Variants in STMND1 observed in about 807,000 individuals in gnomAD.
STMND1 encodes stathmin domain containing 1.
STMND1 carries 17 observed loss-of-function variants against 23.0 expected under a neutral mutation model. The observed-to-expected ratio is 0.74, with a 90% CI of 0.51 to 1.11. The LOEUF is 1.11. Ranked by LOEUF, STMND1 falls within the 50% of genes least tolerant of loss-of-function variation. The pLI is 0.00. For missense variants in STMND1, 305 were observed against 329.1 expected, an observed-to-expected ratio of 0.93 and a Z score of 0.57; for synonymous variants, 114 against 119.9, an observed-to-expected ratio of 0.95 and a Z score of 0.32.
chr6:17,107,040 A>G (rs1761034368), intron 1 of STMND1, among the ~76,000 whole-genome samples: 1 of 152,242 alleles, frequency 6.6e-6, no homozygotes, highest in East Asian at 1.9e-4. Flanking sequence ...ACCTGATAAG[A>G]AAATTCTAGT....
rs1286596757 is a variant in STMND1 at position 17,129,261 on chromosome 6, G to A, written c.543+18G>A. The stretch of plus-strand genomic sequence containing the variant: ...GCAGGAAGGTAGTGAGCTCTCAGAT[G>A]CTCTAGGCTTGAGGAGTTCGCTGTC... On this transcript the variant is annotated intron_variant, in intron 4 of 4. Transcript: ENST00000536551. The A allele has an allele frequency of 6.5e-7, 1 of 1,535,154 alleles. No homozygotes were observed. The highest frequency in any genetic ancestry group is 1.2e-5 in the South Asian group (1 of 83,906).
chr6:17,116,031 A>G (rs1406160011), intron 2 of STMND1, among the ~76,000 whole-genome samples: 4 of 152,210 alleles, frequency 2.6e-5, no homozygotes, highest in Admixed American at 2.6e-4. Context: ...TTAGGTTGAC[A>G]AATACATTTT....
In STMND1 at chr6:17,102,198, G is replaced by A. The variant is rs9367941; in HGVS notation, c.-60G>A. 0.19 allele frequency: 272,850 copies of A among 1,467,324 alleles called. 30,628 individuals carry two copies. Among genetic ancestry groups the A allele is most frequent in the African/African-American group, 0.49 (33,339 of 68,084 alleles). 90.9% of individuals were successfully genotyped at this position (1,467,324 alleles called of 1,614,324 possible). A position where few individuals can be genotyped will look rare whatever the true frequency, so the allele number is the denominator to read the frequency against. On this transcript the variant is annotated 5_prime_UTR_variant, in exon 1 of 5. Transcript: ENST00000536551. ...GACCACCGGCGCCGGAGCGCGGCAGGGAGCGCTCGCGGGGGCGCACAGCAG... is the reference window on the plus strand; with the variant it reads ...GACCACCGGCGCCGGAGCGCGGCAGAGAGCGCTCGCGGGGGCGCACAGCAG...
intron 2 of STMND1, among the ~76,000 whole-genome samples, chr6:17,119,116 G>C (rs187647412): frequency 1.8e-4 from 27 of 152,106 alleles, no homozygotes; most frequent in Non-Finnish European, 3.4e-4. Context: ...TGACCTCCCC[G>C]TATGACATGT....
At chr6:17,103,380 G>A (rs891686657) in intron 1 of STMND1, among the ~76,000 whole-genome samples, 6 of 152,194 alleles carry the variant, frequency 3.9e-5, no homozygotes, top group African/African-American at 1.4e-4. Flanking sequence ...TACTTCATGT[G>A]GGGCACATCT....
chr6:17,111,024 A>G (rs1380138166), intron 1 of STMND1: 2 of 310,852 alleles, frequency 6.4e-6, no homozygotes, highest in African/African-American at 4.4e-5. Flanking sequence ...TGAACACATT[A>G]GCATTTAAAA....
intron 1 of STMND1, chr6:17,110,464 G>A (rs1761081731): frequency 6.0e-6 from 1 of 165,518 alleles, no homozygotes; most frequent in Admixed American, 6.0e-5. Context: ...GGGCCAAAAA[G>A]TCAAATCAAT....
intron 1 of STMND1, among the ~76,000 whole-genome samples, chr6:17,112,733 C>T (rs189641461): frequency 9.2e-5 from 14 of 152,082 alleles, no homozygotes; most frequent in Middle Eastern, 3.4e-3. Context: ...GCCGAGATTG[C>T]GCCACTGTAC....
At position 17,114,947 on chromosome 6, in the gene STMND1, G is replaced by C. The variant is rs765477291; in HGVS notation, c.82-15G>C. On this transcript the variant is annotated splice_polypyrimidine_tract_variant and intron_variant, in intron 1 of 4. Transcript: ENST00000536551. Reference sequence around the variant, plus strand: ...AAGAAATCTTGACTCTAACAAAACTGTTCCCTTTTCACAGGCTGATGTCAG... The same window carrying C: ...AAGAAATCTTGACTCTAACAAAACTCTTCCCTTTTCACAGGCTGATGTCAG... 2 of 1,500,960 alleles carry C rather than the reference G, an allele frequency of 1.3e-6. No homozygotes were observed. Among genetic ancestry groups the C allele is most frequent in the Admixed American group, 4.7e-5 (2 of 42,584 alleles). 93.0% of individuals were successfully genotyped at this position (1,500,960 alleles called of 1,614,324 possible).
At chr6:17,124,532 C>T (rs1234451001) in intron 3 of STMND1, among the ~76,000 whole-genome samples, 2 of 152,210 alleles carry the variant, frequency 1.3e-5, no homozygotes, top group Non-Finnish European at 2.9e-5. Context: ...CCCCCATAAG[C>T]CAGTATCTCC....
At chr6:17,112,011 T>C (rs1761102539) in intron 1 of STMND1, among the ~76,000 whole-genome samples, 1 of 152,218 alleles carries the variant, frequency 6.6e-6, no homozygotes, top group Non-Finnish European at 1.5e-5. Context: ...ATCACATTGG[T>C]AACACCTGAA....
At position 17,129,097 on chromosome 6, in the gene STMND1, G is replaced by C; in HGVS notation, c.412-15G>C. 19 of 1,533,860 alleles carry C rather than the reference G, an allele frequency of 1.2e-5. No homozygotes were observed. Among genetic ancestry groups the C allele is most frequent in the Non-Finnish European group, 1.7e-5 (19 of 1,145,834 alleles). On this transcript the variant is annotated splice_polypyrimidine_tract_variant and intron_variant, in intron 3 of 4. Coordinates refer to ENST00000536551, the MANE Select transcript of STMND1 (RefSeq NM_001190766.2). ...ATATGATTGTTTCTTCATGTAAAAA[G>C]ATGTTTTATTCCAGTTGACTACGAC...
Position 17,130,620 on chromosome 6 carries a change from G to T in STMND1, c.570G>T (p.Arg190Ser). ...CTAAAGAAGAAGAAATAAGAAAAAG[G>T]CTACGGAGTGACCGACTTTTGCCTT... is the stretch of plus-strand genomic sequence containing the variant. ...RKTKEEEIRK[R>S]LRSDRLLPSA... Residue 190 changes from arginine to serine, a missense_variant, in exon 5 of 5, where the codon AGG becomes AGT. Coordinates refer to ENST00000536551, the MANE Select transcript of STMND1 (RefSeq NM_001190766.2). 1 of 1,534,166 alleles carries T rather than the reference G, an allele frequency of 6.5e-7. No individual in the cohort carries two copies.
intron 3 of STMND1, among the ~76,000 whole-genome samples, chr6:17,126,060 ATATATATATATTTT>A (rs1249693654): frequency 2.9e-4 from 7 of 23,878 alleles, no homozygotes; most frequent in Admixed American, 1.1e-3. Flanking sequence ...ATATATATAT[ATATATATATATTTT>A]TTTTTTTTTT....
intron 1 of STMND1, among the ~76,000 whole-genome samples, chr6:17,107,439 G>T (rs1286503214): frequency 6.6e-6 from 1 of 151,902 alleles, no homozygotes; most frequent in Non-Finnish European, 1.5e-5. Flanking sequence ...AGACACTGAG[G>T]TATAAAAAAA....
rs543310039 is a variant in STMND1 at position 17,114,432 on chromosome 6, T to G, written c.82-530T>G. Among the ~76,000 whole-genome samples the G allele has an allele frequency of 2.6e-5, 4 of 152,080 alleles. No individual in the cohort carries two copies. In the East Asian group the frequency reaches 7.8e-4, roughly 30 times the overall value. On this transcript the variant is annotated intron_variant, in intron 1 of 4. Transcript: ENST00000536551. ...GGCACCCGCCACCATGCCTGGCTAA[T>G]TTTTTGTATTTTTAGTAGAGATGGG...
chr6:17,122,696 C>T (rs1481673444), intron 3 of STMND1, among the ~76,000 whole-genome samples: 1 of 146,252 alleles, frequency 6.8e-6, no homozygotes, highest in Non-Finnish European at 1.5e-5. Context: ...ATAACATTAT[C>T]AGGCTGCCAA....
At chr6:17,115,718 T>C (rs1178454330) in intron 2 of STMND1, among the ~76,000 whole-genome samples, 1 of 152,218 alleles carries the variant, frequency 6.6e-6, no homozygotes, top group Non-Finnish European at 1.5e-5. Flanking sequence ...AGTCATCTTA[T>C]TTATATTCGG....
At chr6:17,129,481 CCT>C (rs1044029821) in intron 4 of STMND1, among the ~76,000 whole-genome samples, 1 of 150,900 alleles carries the variant, frequency 6.6e-6, no homozygotes, top group Non-Finnish European at 1.5e-5. Context: ...AAGCGGTCCC[CCT>C]GTCTCCGCCT....
Sources: gnomAD v4.1 joint callset for allele counts (sites outside exome capture counted in the v4.1 genomes callset) on GRCh38, gnomAD v4.1.1 for gene constraint, MANE v1.5 for transcripts, NCBI Gene and HGNC (gene_info 2026-07-23, HGNC 2026-07-21) for gene names.